Variants in INPP5F observed in about 807,000 individuals in gnomAD.
INPP5F encodes inositol polyphosphate-5-phosphatase F.
A neutral mutation model predicts 137.2 loss-of-function variants in INPP5F; 97 were observed. That is an observed-to-expected ratio of 0.71 (90% confidence interval 0.60 to 0.84). The LOEUF (loss-of-function observed/expected upper bound fraction) is 0.84, where lower values mean the gene tolerates loss of function less well. Among genes scored for constraint, INPP5F ranks in the 40% least tolerant of loss-of-function variants. The pLI is 0.00. For synonymous variants in INPP5F, 504 were observed against 476.9 expected (o/e 1.06, Z -0.74); for missense variants, 1,271 against 1,371.9 (o/e 0.93, Z 1.16).
In INPP5F at chr10:119,796,856, GAT is replaced by G; in HGVS notation, c.814_815del (p.Ile272SerfsTer14). ...CCCTCAGGAGTCCACCTGTGTAGAT[GAT>G]ATTCACCCACGATTTCTAGTGGCTC... ...TPPQESTCVD[D>X]IHPRFLVALI... On this transcript the variant is annotated frameshift_variant, in exon 7 of 20. Transcript: ENST00000650623. LOFTEE classifies it high-confidence loss of function. 1 of 1,613,794 alleles carries G rather than the reference GAT, an allele frequency of 6.2e-7. No individual in the cohort carries two copies. The highest frequency in any genetic ancestry group is 8.5e-7 in the Non-Finnish European group (1 of 1,179,910).
At chr10:119,813,445 G>A (rs1055480950) in intron 15 of INPP5F, among the ~76,000 whole-genome samples, 2 of 152,068 alleles carry the variant, frequency 1.3e-5, no homozygotes, top group Admixed American at 6.6e-5. Context: ...CCAGGAGTTT[G>A]AGACCTCATC....
intron 1 of INPP5F, 151 bp downstream of exon 1, chr10:119,726,510 C>T (rs1006096881): frequency 1.2e-5 from 4 of 320,886 alleles, no homozygotes; most frequent in Middle Eastern, 9.3e-4. Context: ...TGTCATTATT[C>T]CCTGACTGGA....
At chr10:119,802,415 G>T (rs375184384) in intron 9 of INPP5F, among the ~76,000 whole-genome samples, 5 of 152,152 alleles carry the variant, frequency 3.3e-5, no homozygotes, top group Non-Finnish European at 7.4e-5. Flanking sequence ...TGAGGTATGA[G>T]TCAGTTGACT....
intron 2 of INPP5F, among the ~76,000 whole-genome samples, chr10:119,763,077 A>G (rs112035394): frequency 6.6e-6 from 1 of 152,250 alleles, no homozygotes; most frequent in Admixed American, 6.5e-5. Flanking sequence ...CAATGGTGGG[A>G]CAGACTTGGG....
At chr10:119,742,245 TC>T (rs1436288870) in intron 1 of INPP5F, among the ~76,000 whole-genome samples, 3 of 151,750 alleles carry the variant, frequency 2.0e-5, no homozygotes, top group African/African-American at 7.3e-5. Flanking sequence ...AACCTCTGCC[TC>T]CCGGGTTCAA....
intron 13 of INPP5F, among the ~76,000 whole-genome samples, chr10:119,808,670 TA>T (rs1850900838): frequency 6.6e-6 from 1 of 152,226 alleles, no homozygotes; most frequent in Non-Finnish European, 1.5e-5. Context: ...CTAGTCCTCA[TA>T]GAATATTAAG....
chr10:119,778,965 A>G (rs1212453092), intron 2 of INPP5F, among the ~76,000 whole-genome samples: 1 of 152,158 alleles, frequency 6.6e-6, no homozygotes, highest in East Asian at 1.9e-4. Flanking sequence ...TTGCCAGGGC[A>G]TACTCAGAGA....
intron 14 of INPP5F, 102 bp downstream of exon 14, chr10:119,810,319 A>G (rs1005803632): frequency 1.6e-6 from 1 of 634,518 alleles, no homozygotes; most frequent in South Asian, 2.1e-5. Context: ...TTTGTAATAT[A>G]CTTGTGTTTC....
Position 119,828,041 on chromosome 10 carries a change from G to A in INPP5F, c.*261G>A, listed in dbSNP as rs1851842900. 1 of 322,690 alleles carries A rather than the reference G, an allele frequency of 3.1e-6. No individual in the cohort carries two copies. The highest frequency in any genetic ancestry group is 5.7e-6 in the Non-Finnish European group (1 of 174,530). The allele number at this position is 322,690 out of a possible 1,614,324, so 20.0% of individuals were successfully genotyped here. The stretch of plus-strand genomic sequence containing the variant: ...TTATTTGAAAGTAATTCAGCAACAG[G>A]TCACTTTGGGATATAACCTGAACCT... On this transcript the variant is annotated 3_prime_UTR_variant, in exon 20 of 20. Coordinates refer to ENST00000650623, the MANE Select transcript of INPP5F (RefSeq NM_014937.4).
At chr10:119,786,244 C>T (rs1640766195) in intron 3 of INPP5F, among the ~76,000 whole-genome samples, 1 of 152,144 alleles carries the variant, frequency 6.6e-6, no homozygotes, top group African/African-American at 2.4e-5. Flanking sequence ...GTGGTGTTGT[C>T]TTTTTGAGAT....
intron 3 of INPP5F, among the ~76,000 whole-genome samples, chr10:119,782,720 A>G (rs1315647447): frequency 1.3e-5 from 2 of 152,186 alleles, no homozygotes; most frequent in Non-Finnish European, 2.9e-5. Context: ...GAGGCCTGGC[A>G]AGGGTTAAGT....
chr10:119,769,977 T>C (rs1849290303), intron 2 of INPP5F, among the ~76,000 whole-genome samples: 1 of 152,182 alleles, frequency 6.6e-6, no homozygotes, highest in South Asian at 2.1e-4. Context: ...AGAAAAATTT[T>C]TTTTTCTAAA....
chr10:119,760,725 A>G (rs935767728), intron 2 of INPP5F, among the ~76,000 whole-genome samples: 1 of 152,266 alleles, frequency 6.6e-6, no homozygotes, highest in Non-Finnish European at 1.5e-5. Flanking sequence ...TGACTTGGAT[A>G]GCAGGTCTGT....
chr10:119,807,143 G>A (rs746151485), intron 12 of INPP5F, among the ~76,000 whole-genome samples: 35 of 152,156 alleles, frequency 2.3e-4, no homozygotes, highest in Admixed American at 3.3e-4. Flanking sequence ...CGTGGTGGCC[G>A]TCATCTGTAA....
chr10:119,741,874 C>G (rs994438968), intron 1 of INPP5F, among the ~76,000 whole-genome samples: 9 of 151,378 alleles, frequency 5.9e-5, no homozygotes, highest in East Asian at 5.9e-4. Flanking sequence ...ACTCTGTTGC[C>G]GATTAGTCAG....
intron 1 of INPP5F, among the ~76,000 whole-genome samples, chr10:119,731,493 G>A (rs1027418092): frequency 2.6e-5 from 4 of 152,040 alleles, no homozygotes; most frequent in Admixed American, 2.6e-4. Context: ...GTAAAACCCC[G>A]TCTCTACTGA....
At chr10:119,810,680 T>G (rs187821541) in intron 14 of INPP5F, among the ~76,000 whole-genome samples, 31 of 152,194 alleles carry the variant, frequency 2.0e-4, no homozygotes, top group African/African-American at 6.8e-4. Context: ...GGTACCAGAT[T>G]TAGAGATTAC....
intron 1 of INPP5F, among the ~76,000 whole-genome samples, chr10:119,729,975 A>G (rs1312841524): frequency 1.3e-5 from 2 of 152,034 alleles, no homozygotes; most frequent in African/African-American, 4.8e-5. Flanking sequence ...TAAAAAACGA[A>G]GTATTGTTTT....
At chr10:119,823,349 ACT>A in intron 18 of INPP5F, 150 bp downstream of exon 18, 3 of 696,282 alleles carry the variant, frequency 4.3e-6, no homozygotes. Context: ...TGAAATAGCA[ACT>A]CTGTTTCCAG....
Sources: allele counts gnomAD v4.1 joint callset (sites outside exome capture counted in the v4.1 genomes callset), GRCh38; gene constraint gnomAD v4.1.1; transcripts MANE v1.5; gene names NCBI Gene and HGNC (gene_info 2026-07-23, HGNC 2026-07-21).